The following HYDIN variants were observed in gnomAD, a reference collection of about 807,000 sequenced individuals.
The protein encoded by HYDIN is HYDIN axonemal central pair apparatus protein.
HYDIN carries 132 observed loss-of-function variants against 403.9 expected under a neutral mutation model. That is an observed-to-expected ratio of 0.33 (90% CI 0.28 to 0.38). The LOEUF is 0.38. HYDIN is among the 10% of genes least tolerant of loss of function. HYDIN has a pLI of 1.00. For missense variants in HYDIN, 2,827 were observed against 5,009.5 expected (o/e 0.56, Z 13.15); for synonymous variants, 1,202 against 1,891.7 (o/e 0.64, Z 9.46).
At chr16:70,838,492 C>T (rs1234787052) in intron 76 of HYDIN, among the ~76,000 whole-genome samples, 1 of 152,120 alleles carries the variant, frequency 6.6e-6, no homozygotes, top group East Asian at 1.9e-4. Context: ...GCCTGATTCT[C>T]GATTTCTTGA....
intron 10 of HYDIN, among the ~76,000 whole-genome samples, chr16:71,103,026 T>C (rs2083502887): frequency 6.7e-6 from 1 of 149,304 alleles, no homozygotes. Flanking sequence ...CAGGAATCTT[T>C]GATGAGTTGT....
chr16:71,204,556 A>G (rs1027795830), intron 1 of HYDIN, among the ~76,000 whole-genome samples: 1 of 152,218 alleles, frequency 6.6e-6, no homozygotes, highest in Non-Finnish European at 1.5e-5. Context: ...TCTACCTTTT[A>G]TTAAAATGTC....
At chr16:70,950,410 C>T (rs1567890801) in intron 41 of HYDIN, among the ~76,000 whole-genome samples, 2 of 151,878 alleles carry the variant, frequency 1.3e-5, no homozygotes, top group Non-Finnish European at 2.9e-5. Context: ...ACCACTAAGC[C>T]CAGCTAATTT....
chr16:71,159,533 C>A (rs1256761839), intron 6 of HYDIN, among the ~76,000 whole-genome samples: 1 of 64,266 alleles, frequency 1.6e-5, no homozygotes, highest in Non-Finnish European at 3.1e-5. Flanking sequence ...GAACCTCAAG[C>A]AAAATTAAAA....
In HYDIN at chr16:70,991,382, T is replaced by C; in HGVS notation, c.3800A>G (p.Asp1267Gly). Residue 1267 changes from aspartate (D) to glycine (G), a missense_variant, in exon 25 of 86, where the codon GAT (aspartate) becomes GGT (glycine). Coordinates refer to ENST00000393567, the MANE Select transcript of HYDIN (RefSeq NM_001270974.2). ...LNDFVKTVLV[D>G]EDARPEEKEL... ...TTTTTCTTCAGGCCTGGCATCTTCA[T>C]CCACAAGGACAGTCCTAGGAAGTTT... The C allele has an allele frequency of 6.2e-7, 1 of 1,613,964 alleles. No homozygotes were observed. Among genetic ancestry groups the C allele is most frequent in the Non-Finnish European group, 8.5e-7 (1 of 1,179,928 alleles).
chr16:71,056,203 G>A (rs1264492653), intron 18 of HYDIN, among the ~76,000 whole-genome samples: 1 of 149,714 alleles, frequency 6.7e-6, no homozygotes, highest in East Asian at 2.0e-4. Flanking sequence ...TCAGCCTGCT[G>A]GGAACTGTTG....
At chr16:70,982,726 C>T (rs2079084135) in intron 28 of HYDIN, among the ~76,000 whole-genome samples, 1 of 144,662 alleles carries the variant, frequency 6.9e-6, no homozygotes, top group Non-Finnish European at 1.5e-5. Context: ...CATATTATTC[C>T]ATTACATAGT....
chr16:70,853,983 G>A (rs1448266928), intron 73 of HYDIN, among the ~76,000 whole-genome samples: 6 of 148,750 alleles, frequency 4.0e-5, no homozygotes, highest in Middle Eastern at 3.4e-3. Context: ...GGGTTCAAGC[G>A]ATTCTCCTGC....
At chr16:71,068,897 G>T (rs1256366730) in intron 14 of HYDIN, among the ~76,000 whole-genome samples, 2 of 152,182 alleles carry the variant, frequency 1.3e-5, no homozygotes, top group Admixed American at 1.3e-4. Flanking sequence ...GCTATTTATT[G>T]CTATCTAAAG....
At chr16:71,043,040 T>C (rs1468875573) in intron 18 of HYDIN, among the ~76,000 whole-genome samples, 2 of 151,534 alleles carry the variant, frequency 1.3e-5, no homozygotes, top group South Asian at 2.1e-4. Flanking sequence ...TGAAATGTAT[T>C]TTATCCCCAG....
intron 42 of HYDIN, among the ~76,000 whole-genome samples, chr16:70,943,391 G>A (rs1359036130): frequency 6.6e-6 from 1 of 152,114 alleles, no homozygotes; most frequent in Non-Finnish European, 1.5e-5. Context: ...TATGTGTGTA[G>A]TATACATTTC....
chr16:71,070,271 C>CTCCTTCCT (rs146740657), intron 13 of HYDIN, among the ~76,000 whole-genome samples: 2 of 147,220 alleles, frequency 1.4e-5, no homozygotes, highest in East Asian at 4.0e-4. Flanking sequence ...TTCTTTCTCT[C>CTCCTTCCT]TCCTTCCTTC....
chr16:71,145,704 G>A (rs1162127049), intron 7 of HYDIN, among the ~76,000 whole-genome samples: 2 of 152,136 alleles, frequency 1.3e-5, no homozygotes, highest in Non-Finnish European at 2.9e-5. Flanking sequence ...TTCAAAGGCA[G>A]CACATCAAGA....
At position 71,223,775 on chromosome 16, in the gene HYDIN, G is replaced by A. The variant is rs574914627; in HGVS notation, c.-24+6787C>T. Among the ~76,000 whole-genome samples the A allele has an allele frequency of 2.6e-5, 4 of 152,204 alleles. No homozygotes were observed. The East Asian group carries it at 7.7e-4, about 29-fold the overall frequency. Reference sequence around the variant, plus strand: ...GAAATGCAAATTAAAACCACAATGAGATACCACCTTACTCTTGCAAGAATG... The same window carrying A: ...GAAATGCAAATTAAAACCACAATGAAATACCACCTTACTCTTGCAAGAATG... On this transcript the variant is annotated intron_variant, in intron 1 of 85. Coordinates refer to ENST00000393567, the MANE Select transcript of HYDIN (RefSeq NM_001270974.2).
At chr16:71,114,760 A>G (rs1352433938) in intron 10 of HYDIN, among the ~76,000 whole-genome samples, 1 of 123,676 alleles carries the variant, frequency 8.1e-6, no homozygotes, top group Non-Finnish European at 1.7e-5. Context: ...GCTTCACCCT[A>G]TTTTCCATGT....
At chr16:71,000,521 A>C (rs541356757) in intron 23 of HYDIN, among the ~76,000 whole-genome samples, 46 of 151,300 alleles carry the variant, frequency 3.0e-4, no homozygotes, top group Admixed American at 1.7e-3. Context: ...AGATAGCTTC[A>C]AATAGAAGTA....
rs748037203 is a variant in HYDIN, at chr16:70,807,573, G to C, written c.*7C>G. On this transcript the variant is annotated 3_prime_UTR_variant, in exon 86 of 86. Transcript: ENST00000393567. Reference sequence around the variant, plus strand: ...CTTTTGGTTGATACAGGTAACCCTGGTTACCACTAAAGGGTGATCCCCTTC... The same window carrying C: ...CTTTTGGTTGATACAGGTAACCCTGCTTACCACTAAAGGGTGATCCCCTTC... 1 of 1,599,270 alleles carries C rather than the reference G, an allele frequency of 6.3e-7. No individual in the cohort carries two copies. The highest frequency in any genetic ancestry group is 2.2e-5 in the East Asian group (1 of 44,730).
chr16:70,977,078 C>G (rs1279373246), intron 30 of HYDIN, among the ~76,000 whole-genome samples: 2 of 152,204 alleles, frequency 1.3e-5, no homozygotes, highest in Non-Finnish European at 2.9e-5. Context: ...CCATCATATT[C>G]ACAGAAACCC....
At chr16:70,891,274 C>T (rs1456674973) in intron 57 of HYDIN, among the ~76,000 whole-genome samples, 14 of 152,114 alleles carry the variant, frequency 9.2e-5, no homozygotes, top group East Asian at 5.8e-4. Context: ...CTGCAACCTC[C>T]GCCTCTCAGG....
Sources: gnomAD v4.1 joint callset for allele counts (sites outside exome capture counted in the v4.1 genomes callset) on GRCh38, gnomAD v4.1.1 for gene constraint, MANE v1.5 for transcripts, NCBI Gene and HGNC (gene_info 2026-07-23, HGNC 2026-07-21) for gene names.